Variants in CWC27 observed in about 807,000 individuals in gnomAD.
The protein encoded by CWC27 is CWC27 spliceosome associated cyclophilin, also known as spliceosome-associated protein CWC27 homolog.
A neutral mutation model predicts 63.6 loss-of-function variants in CWC27; 47 were observed. The ratio of observed to expected loss-of-function variants is 0.74; its 90% CI spans 0.58 to 0.94. The LOEUF (loss-of-function observed/expected upper bound fraction) is 0.94. CWC27 is among the 40% of genes least tolerant of loss of function. The pLI is 0.00. For synonymous variants in CWC27, 175 were observed against 179.8 expected (o/e 0.97, Z 0.22); for missense variants, 495 against 554.3 (o/e 0.89, Z 1.07).
intron 13 of CWC27, among the ~76,000 whole-genome samples, chr5:64,984,489 G>A (rs151182216): frequency 9.2e-5 from 14 of 152,334 alleles, no homozygotes; most frequent in African/African-American, 2.9e-4. Flanking sequence ...GGCATGGAAA[G>A]AAGGTATAAT....
intron 11 of CWC27, among the ~76,000 whole-genome samples, chr5:64,925,755 T>C (rs924873974): frequency 5.9e-5 from 9 of 152,174 alleles, no homozygotes; most frequent in African/African-American, 2.2e-4. Flanking sequence ...TGCAGTAAAA[T>C]CTGTATTTCA....
chr5:64,790,872 AACTCAGAGAGGGTTAAAT>A (rs1167468730), intron 7 of CWC27, among the ~76,000 whole-genome samples: 1 of 152,246 alleles, frequency 6.6e-6, no homozygotes, highest in Non-Finnish European at 1.5e-5. Context: ...AAGAAAGTGA[AACTCAGAGAGGGTTAAAT>A]AACTCATCCA....
At chr5:64,837,553 G>T (rs930272919) in intron 10 of CWC27, among the ~76,000 whole-genome samples, 1 of 150,974 alleles carries the variant, frequency 6.6e-6, no homozygotes, top group African/African-American at 2.4e-5. Context: ...TAAAGTTACT[G>T]GGTTTAATAT....
chr5:64,896,269 T>C (rs937483353), intron 11 of CWC27, among the ~76,000 whole-genome samples: 1 of 152,148 alleles, frequency 6.6e-6, no homozygotes, highest in African/African-American at 2.4e-5. Flanking sequence ...CATTGCTACC[T>C]GTGGACCTTC....
intron 10 of CWC27, among the ~76,000 whole-genome samples, chr5:64,841,173 G>A (rs1745825184): frequency 6.6e-6 from 1 of 152,194 alleles, no homozygotes; most frequent in East Asian, 1.9e-4. Context: ...GCTGGCATCT[G>A]ACGAGAGCCT....
intron 10 of CWC27, among the ~76,000 whole-genome samples, chr5:64,866,421 T>C (rs946555229): frequency 2.0e-5 from 3 of 152,152 alleles, no homozygotes; most frequent in South Asian, 2.1e-4. Context: ...TGATGACTTA[T>C]GTTTTACCTA....
At chr5:64,875,253 T>C (rs1449693931) in intron 10 of CWC27, among the ~76,000 whole-genome samples, 2 of 152,298 alleles carry the variant, frequency 1.3e-5, no homozygotes, top group East Asian at 1.9e-4. Context: ...ATCTTTCATA[T>C]GGAAGGAGTA....
chr5:64,790,198 T>C (rs1744026081), intron 7 of CWC27, among the ~76,000 whole-genome samples: 1 of 152,172 alleles, frequency 6.6e-6, no homozygotes, highest in African/African-American at 2.4e-5. Context: ...CTCTAGGAGA[T>C]AAGGCCAAAT....
At chr5:64,958,096 T>A (rs543185716) in intron 11 of CWC27, among the ~76,000 whole-genome samples, 6 of 152,116 alleles carry the variant, frequency 3.9e-5, no homozygotes, top group Admixed American at 1.3e-4. Context: ...AAAACAGGTT[T>A]TTTTTTTAAT....
chr5:64,819,506 C>T (rs1042591071), intron 10 of CWC27, among the ~76,000 whole-genome samples: 2 of 151,868 alleles, frequency 1.3e-5, no homozygotes, highest in Non-Finnish European at 2.9e-5. Flanking sequence ...GGTCTTTCCT[C>T]GTGCTGTTCT....
intron 10 of CWC27, among the ~76,000 whole-genome samples, chr5:64,862,029 G>A (rs537971752): frequency 3.9e-5 from 6 of 152,286 alleles, no homozygotes; most frequent in South Asian, 4.1e-4. Flanking sequence ...AGCACAGAGC[G>A]CTAGATATCA....
intron 11 of CWC27, among the ~76,000 whole-genome samples, chr5:64,953,382 C>T (rs954809937): frequency 1.7e-4 from 26 of 152,038 alleles, no homozygotes; most frequent in African/African-American, 2.4e-4. Context: ...AACCTTCACC[C>T]GAGTGAGTGA....
At chr5:64,993,142 A>G (rs1749568034) in intron 13 of CWC27, among the ~76,000 whole-genome samples, 1 of 152,162 alleles carries the variant, frequency 6.6e-6, no homozygotes, top group Non-Finnish European at 1.5e-5. Context: ...TAATTCATGG[A>G]AAGCACTCAG....
At chr5:64,927,034 A>G (rs548164805) in intron 11 of CWC27, among the ~76,000 whole-genome samples, 3 of 152,334 alleles carry the variant, frequency 2.0e-5, no homozygotes, top group African/African-American at 7.2e-5. Context: ...AAATGTACAT[A>G]TTTCTAATCC....
At chr5:64,807,784 C>T (rs1249710071) in intron 10 of CWC27, 7 of 1,535,506 alleles carry the variant, frequency 4.6e-6, no homozygotes, top group Non-Finnish European at 6.1e-6. Context: ...GATCACCTGG[C>T]TGCTTGTTTT....
intron 13 of CWC27, among the ~76,000 whole-genome samples, chr5:64,977,881 T>C (rs1361028422): frequency 6.6e-6 from 1 of 151,456 alleles, no homozygotes; most frequent in African/African-American, 2.4e-5. Context: ...TGACTTCACA[T>C]GCAGTGTATT....
chr5:64,977,772 C>T (rs531632872), intron 13 of CWC27, among the ~76,000 whole-genome samples: 3 of 151,614 alleles, frequency 2.0e-5, no homozygotes, highest in Non-Finnish European at 4.4e-5. Context: ...AAAGTAATGA[C>T]ATATACATAT....
intron 11 of CWC27, among the ~76,000 whole-genome samples, chr5:64,893,635 C>T (rs1450670195): frequency 6.6e-6 from 1 of 152,034 alleles, no homozygotes; most frequent in East Asian, 1.9e-4. Flanking sequence ...CCAGAAAGAA[C>T]AAAAGGAATA....
intron 10 of CWC27, among the ~76,000 whole-genome samples, chr5:64,866,037 A>G (rs556063428): frequency 4.6e-4 from 70 of 152,188 alleles, no homozygotes; most frequent in African/African-American, 1.7e-3. Context: ...ATAATTACAA[A>G]TGTACATAAC....
Sources: allele counts gnomAD v4.1 joint callset (sites outside exome capture counted in the v4.1 genomes callset), GRCh38; gene constraint gnomAD v4.1.1; transcripts MANE v1.5; gene names NCBI Gene and HGNC (gene_info 2026-07-23, HGNC 2026-07-21).